Variants in KALRN observed in about 807,000 individuals in gnomAD.
The protein encoded by KALRN is kalirin.
In KALRN, 70 loss-of-function variants were observed where a neutral mutation model predicts 353.7. The observed-to-expected ratio is 0.20, with a 90% CI of 0.16 to 0.24. KALRN has a LOEUF of 0.24. KALRN is among the 10% of genes least tolerant of loss of function. The pLI is 1.00. For missense variants in KALRN, 2,791 were observed against 3,756.7 expected (o/e 0.74, Z 6.72); for synonymous variants, 1,391 against 1,434.8 (o/e 0.97, Z 0.69).
chr3:124,707,106 A>C (rs576105942), intron 57 of KALRN, among the ~76,000 whole-genome samples: 1 of 152,160 alleles, frequency 6.6e-6, no homozygotes, highest in South Asian at 2.1e-4. Context: ...TGGGAGGCTG[A>C]GGCAGGAGGA....
At chr3:124,279,175 AC>A (rs1014294974) in intron 5 of KALRN, among the ~76,000 whole-genome samples, 2 of 152,072 alleles carry the variant, frequency 1.3e-5, no homozygotes, top group Non-Finnish European at 2.9e-5. Flanking sequence ...TGGCTTTGAA[AC>A]TGGAGAAACC....
chr3:124,324,013 A>G (rs1012189827), intron 6 of KALRN, among the ~76,000 whole-genome samples: 1 of 152,212 alleles, frequency 6.6e-6, no homozygotes, highest in South Asian at 2.1e-4. Flanking sequence ...TACCCCAGGA[A>G]GGACCTTCAA....
intron 1 of KALRN, among the ~76,000 whole-genome samples, chr3:124,091,233 C>T (rs962127835): frequency 6.6e-6 from 1 of 152,198 alleles, no homozygotes; most frequent in Non-Finnish European, 1.5e-5. Flanking sequence ...GTGGAGCCCG[C>T]TTGTTGGGGC....
chr3:124,132,097 A>G (rs566152158), intron 1 of KALRN, among the ~76,000 whole-genome samples: 7 of 152,326 alleles, frequency 4.6e-5, no homozygotes, highest in Admixed American at 1.3e-4. Context: ...GCCAAGAATC[A>G]TGTTGTCTCC....
rs2082771734 is a variant in KALRN, at chr3:124,646,589, C to T, written c.5665-4219C>T. On this transcript the variant is annotated intron_variant, in intron 37 of 59. Coordinates refer to ENST00000682506, the MANE Select transcript of KALRN (RefSeq NM_001388419.1). ...TATTTTTAGTAGAGATGGGGTTTCA[C>T]CATGTTGGCCAAGCTGGTTTTGAAC... 2.6e-5 allele frequency among the ~76,000 whole-genome samples: 4 copies of T among 151,532 alleles called. No individual in the cohort carries two copies. The South Asian group carries it at 8.3e-4, about 32-fold the overall frequency.
chr3:124,326,190 C>G lies in KALRN; in HGVS notation c.1284+19C>G. 1 of 1,599,200 alleles carries G rather than the reference C, an allele frequency of 6.3e-7. No homozygotes were observed. ...TGAGCAGGTAAGGTGCAGAAACCTG[C>G]AGCAGCTGCTGTTGGTAGGAAGGGT... On this transcript the variant is annotated intron_variant, in intron 7 of 59. Transcript: ENST00000682506.
intron 1 of KALRN, among the ~76,000 whole-genome samples, chr3:124,090,062 C>G (rs2061026155): frequency 6.6e-6 from 1 of 152,058 alleles, no homozygotes; most frequent in Non-Finnish European, 1.5e-5. Context: ...GGTAGACGAG[C>G]TTTATAAGGT....
At chr3:124,099,291 A>G (rs2061673339) in intron 1 of KALRN, 1 of 152,210 alleles carries the variant, frequency 6.6e-6, no homozygotes, top group South Asian at 2.1e-4. Context: ...TAGCTTCCAC[A>G]TATGAGTGAG....
At chr3:124,205,282 A>T (rs573024617) in intron 1 of KALRN, among the ~76,000 whole-genome samples, 1 of 152,346 alleles carries the variant, frequency 6.6e-6, no homozygotes, top group Admixed American at 6.5e-5. Flanking sequence ...TGAAAATTAC[A>T]ATTAGTTCTC....
chr3:124,724,529 G>A lies in KALRN; in HGVS notation c.*5059G>A, dbSNP rs2063396739. On this transcript the variant is annotated 3_prime_UTR_variant, in exon 60 of 60. Coordinates refer to ENST00000682506, the MANE Select transcript of KALRN (RefSeq NM_001388419.1). ...TTAAACCCATGGTGGGCTTAGAGAC[G>A]ACAGAGCTCACACACGCTCCATCAA... 1 of 152,082 alleles carries A rather than the reference G, an allele frequency of 6.6e-6. No individual in the cohort carries two copies. The highest frequency in any genetic ancestry group is 6.5e-5 in the Admixed American group (1 of 15,272). The allele number at this position is 152,082 out of a possible 1,614,324, so 9.4% of individuals were successfully genotyped here.
At chr3:124,336,269 G>A (rs965246910) in intron 9 of KALRN, among the ~76,000 whole-genome samples, 3 of 152,148 alleles carry the variant, frequency 2.0e-5, no homozygotes, top group African/African-American at 7.2e-5. Context: ...GGGCCTGCCG[G>A]GAGTGGAGAA....
chr3:124,632,402 T>A lies in KALRN; in HGVS notation c.5183-18T>A. On this transcript the variant is annotated intron_variant, in intron 34 of 59. Transcript: ENST00000682506. ...CTTCACCACCTCTGACATGGCTGTG[T>A]CTGTCCGTTTTCCTCAGATGCATAC... 1 of 1,612,326 alleles carries A rather than the reference T, an allele frequency of 6.2e-7. No homozygotes were observed. Among genetic ancestry groups the A allele is most frequent in the Non-Finnish European group, 8.5e-7 (1 of 1,178,692 alleles).
At position 124,205,080 on chromosome 3, in the gene KALRN, G is replaced by A. The variant is rs768879779; in HGVS notation, c.74-22910G>A. Among the ~76,000 whole-genome samples the A allele has an allele frequency of 8.0e-4, 122 of 152,256 alleles. 1 individual carries two copies. The highest frequency in any genetic ancestry group is 3.4e-3 in the Middle Eastern group (1 of 294). Reference sequence around the variant, plus strand: ...TGAAATTCCAACAAAACAGCGTCAGGACATAGTGTTGCCTTGCCATACTGG... The same window carrying A: ...TGAAATTCCAACAAAACAGCGTCAGAACATAGTGTTGCCTTGCCATACTGG... On this transcript the variant is annotated intron_variant, in intron 1 of 59. Transcript: ENST00000682506.
At chr3:124,450,847 G>A (rs915293166) in intron 21 of KALRN, among the ~76,000 whole-genome samples, 1 of 152,132 alleles carries the variant, frequency 6.6e-6, no homozygotes, top group African/African-American at 2.4e-5. Flanking sequence ...ACAGACATGA[G>A]CCACCGCGCC....
At chr3:124,187,216 G>A (rs2074342668) in intron 1 of KALRN, among the ~76,000 whole-genome samples, 1 of 152,116 alleles carries the variant, frequency 6.6e-6, no homozygotes, top group East Asian at 1.9e-4. Flanking sequence ...GAGTAGCTGG[G>A]ATTACAGGTG....
intron 34 of KALRN, among the ~76,000 whole-genome samples, chr3:124,613,058 A>G (rs2078181168): frequency 6.6e-6 from 1 of 152,150 alleles, no homozygotes; most frequent in Admixed American, 6.5e-5. Flanking sequence ...CATACCAATC[A>G]TTGCTGATCA....
At chr3:124,488,670 C>T (rs2062820739) in intron 29 of KALRN, 2 of 185,260 alleles carry the variant, frequency 1.1e-5, no homozygotes, top group African/African-American at 4.7e-5. Flanking sequence ...CCTTGGTCAT[C>T]ACAATGAATA....
intron 1 of KALRN, among the ~76,000 whole-genome samples, chr3:124,177,373 C>G (rs1020090958): frequency 1.3e-5 from 2 of 152,194 alleles, no homozygotes; most frequent in Non-Finnish European, 2.9e-5. Flanking sequence ...CTTTTTAGCT[C>G]CCCAAATCAA....
At chr3:124,463,733 A>T (rs2060067559) in intron 25 of KALRN, among the ~76,000 whole-genome samples, 1 of 152,162 alleles carries the variant, frequency 6.6e-6, no homozygotes, top group South Asian at 2.1e-4. Flanking sequence ...TTGGGTGTAA[A>T]ATGATCCTGG....
Sources: allele counts gnomAD v4.1 joint callset (sites outside exome capture counted in the v4.1 genomes callset), GRCh38; gene constraint gnomAD v4.1.1; transcripts MANE v1.5; gene names NCBI Gene and HGNC (gene_info 2026-07-23, HGNC 2026-07-21).